The following REDIC1 variants were observed in gnomAD, a reference collection of about 807,000 sequenced individuals.
REDIC1 encodes regulator of DNA class I crossover intermediates 1.
the REDIC1 span, among the ~76,000 whole-genome samples, chr12:39,820,200 C>T: frequency 6.6e-6 from 1 of 152,050 alleles, no homozygotes. Context: ...GTTGGTTAAT[C>T]CTTGGAACTA....
the REDIC1 span, among the ~76,000 whole-genome samples, chr12:39,653,147 A>G: frequency 1.3e-5 from 2 of 152,130 alleles, no homozygotes; most frequent in African/African-American, 2.4e-5. Flanking sequence ...CATCTTAACA[A>G]TAGTGACTTT....
chr12:39,845,459 G>A, the REDIC1 span, among the ~76,000 whole-genome samples: 2 of 152,116 alleles, frequency 1.3e-5, no homozygotes, highest in African/African-American at 4.8e-5. Context: ...ATCAAAGGAA[G>A]AAACACATTT....
chr12:39,738,701 T>C, the REDIC1 span, among the ~76,000 whole-genome samples: 1 of 152,212 alleles, frequency 6.6e-6, no homozygotes, highest in South Asian at 2.1e-4. Context: ...TCTTTAATAA[T>C]TGATAATGGG....
chr12:39,824,202 G>T, the REDIC1 span, among the ~76,000 whole-genome samples: 1 of 152,160 alleles, frequency 6.6e-6, no homozygotes, highest in Non-Finnish European at 1.5e-5. Flanking sequence ...AACTATACAG[G>T]TATCATTCAT....
the REDIC1 span, among the ~76,000 whole-genome samples, chr12:39,653,588 C>CT: frequency 2.5e-4 from 32 of 129,592 alleles, no homozygotes; most frequent in South Asian, 7.2e-4. Flanking sequence ...TCCTCTTCTT[C>CT]TTCCTCTTCT....
chr12:39,764,923 T>G, the REDIC1 span: 32 of 1,541,584 alleles, frequency 2.1e-5, no homozygotes, highest in Non-Finnish European at 2.7e-5. Context: ...AAATTCAATA[T>G]GATCATATTT....
At chr12:39,731,013 A>G in the REDIC1 span, among the ~76,000 whole-genome samples, 1 of 151,942 alleles carries the variant, frequency 6.6e-6, no homozygotes, top group African/African-American at 2.4e-5. Flanking sequence ...CAGGTCATTT[A>G]TGTTTTTCTG....
chr12:39,636,984 A>G, the REDIC1 span, among the ~76,000 whole-genome samples: 1 of 151,998 alleles, frequency 6.6e-6, no homozygotes, highest in Non-Finnish European at 1.5e-5. Context: ...TCCTTACTAG[A>G]AGTAATAGCA....
At chr12:39,801,262 T>C in the REDIC1 span, among the ~76,000 whole-genome samples, 2 of 145,846 alleles carry the variant, frequency 1.4e-5, no homozygotes, top group East Asian at 4.0e-4. Context: ...AAAAAATCAT[T>C]TATTAAAACA....
chr12:39,712,070 A>ATACC, the REDIC1 span, among the ~76,000 whole-genome samples: 51 of 104,128 alleles, frequency 4.9e-4, no homozygotes, highest in South Asian at 2.3e-3. Context: ...ACATGTATAT[A>ATACC]TACCGGTATG....
At chr12:39,800,421 A>G in the REDIC1 span, among the ~76,000 whole-genome samples, 2 of 149,570 alleles carry the variant, frequency 1.3e-5, no homozygotes, top group East Asian at 3.9e-4. Flanking sequence ...CAACCCCATC[A>G]AAAAGTGGGC....
At chr12:39,764,649 C>A in the REDIC1 span, 2 of 1,581,374 alleles carry the variant, frequency 1.3e-6, no homozygotes, top group Non-Finnish European at 1.7e-6. Context: ...AGTAAAATAG[C>A]ATGTAAGAAA....
At chr12:39,711,199 TC>T in the REDIC1 span, among the ~76,000 whole-genome samples, 1 of 151,176 alleles carries the variant, frequency 6.6e-6, no homozygotes, top group East Asian at 1.9e-4. Context: ...GTTAATTCCT[TC>T]CTTTTTATGG....
At chr12:39,759,733 T>C in the REDIC1 span, 1 of 304,532 alleles carries the variant, frequency 3.3e-6, no homozygotes, top group Admixed American at 4.8e-5. Flanking sequence ...AGGATACCAC[T>C]GAAGTCACTG....
At chr12:39,819,790 C>T in the REDIC1 span, 1 of 152,496 alleles carries the variant, frequency 6.6e-6, no homozygotes, top group Admixed American at 6.6e-5. Flanking sequence ...AGGATAAATG[C>T]TCCTTTCAAT....
the REDIC1 span, among the ~76,000 whole-genome samples, chr12:39,789,406 A>G: frequency 2.0e-4 from 30 of 152,268 alleles, no homozygotes; most frequent in African/African-American, 7.2e-4. Flanking sequence ...GTGCATCATG[A>G]TATACACTTT....
the REDIC1 span, among the ~76,000 whole-genome samples, chr12:39,706,224 TAA>T: frequency 6.6e-6 from 1 of 151,860 alleles, no homozygotes; most frequent in African/African-American, 2.4e-5. Context: ...TAGCCACAAA[TAA>T]AGTTAAGTAC....
At chr12:39,682,755 T>C in the REDIC1 span, 1 of 1,613,428 alleles carries the variant, frequency 6.2e-7, no homozygotes, top group South Asian at 1.1e-5. Context: ...GAAAGGAAGT[T>C]TCAAATTTTC....
chr12:39,734,103 G>T, the REDIC1 span, among the ~76,000 whole-genome samples: 1 of 152,180 alleles, frequency 6.6e-6, no homozygotes, highest in Non-Finnish European at 1.5e-5. Flanking sequence ...TTGTATCTGG[G>T]CTGGAATGCA....
Sources: allele counts gnomAD v4.1 joint callset (sites outside exome capture counted in the v4.1 genomes callset), GRCh38; gene constraint gnomAD v4.1.1; transcripts MANE v1.5; gene names NCBI Gene and HGNC (gene_info 2026-07-23, HGNC 2026-07-21).